ATRN: variants seen among roughly 807,000 people sequenced by gnomAD.
ATRN encodes attractin-2.
A neutral mutation model predicts 178.7 loss-of-function variants in ATRN; 54 were observed. That is an observed-to-expected ratio of 0.30 (90% CI 0.24 to 0.38). The LOEUF is 0.38. ATRN is among the 10% of genes least tolerant of loss of function. ATRN has a pLI of 1.00. For synonymous variants in ATRN, 636 were observed against 663.0 expected (o/e 0.96, Z 0.63); for missense variants, 1,443 against 1,815.1 (o/e 0.79, Z 3.73).
intron 24 of ATRN, among the ~76,000 whole-genome samples, chr20:3,605,502 A>T (rs971782449): frequency 6.6e-6 from 1 of 152,220 alleles, no homozygotes; most frequent in Non-Finnish European, 1.5e-5. Flanking sequence ...CATAGAATCA[A>T]CCTAAATGCC....
chr20:3,615,903 G>A (rs2086840933), intron 24 of ATRN: 7 of 444,364 alleles, frequency 1.6e-5, no homozygotes, highest in Middle Eastern at 5.9e-4. Flanking sequence ...TGGGGTGGGG[G>A]GAAGGGGAAG....
chr20:3,564,039 TCCTC>T (rs1485928260), intron 10 of ATRN, among the ~76,000 whole-genome samples: 1 of 152,222 alleles, frequency 6.6e-6, no homozygotes, highest in Non-Finnish European at 1.5e-5. Context: ...TCCCATTTCT[TCCTC>T]CCCACAATGC....
At chr20:3,538,691 C>T (rs940777635) in intron 2 of ATRN, among the ~76,000 whole-genome samples, 2 of 152,162 alleles carry the variant, frequency 1.3e-5, no homozygotes, top group Non-Finnish European at 2.9e-5. Flanking sequence ...GAATGTCTCC[C>T]CAATCCATCA....
Position 3,632,432 on chromosome 20 carries a change from C to T in ATRN, c.3864-1879C>T, listed in dbSNP as rs927757479. Among the ~76,000 whole-genome samples, 10 of 152,164 alleles carry T rather than the reference C, an allele frequency of 6.6e-5. No individual in the cohort carries two copies. Among genetic ancestry groups the T allele is most frequent in the African/African-American group, 9.6e-5 (4 of 41,456 alleles). On this transcript the variant is annotated intron_variant, in intron 25 of 28. Coordinates refer to ENST00000262919, the MANE Select transcript of ATRN (RefSeq NM_139321.3). The surrounding 1 kb of genome is among the most constrained non-coding windows in gnomAD (Gnocchi z 4.2). Reference sequence around the variant, plus strand: ...CTCTGCCTTTGTCTCTGGCCTTACACACCCCACTCCAAACATGCTGGCCTC... The same window carrying T: ...CTCTGCCTTTGTCTCTGGCCTTACATACCCCACTCCAAACATGCTGGCCTC...
chr20:3,584,109 A>G (rs1388071241), intron 17 of ATRN, 26 bp downstream of exon 17: 1 of 1,608,852 alleles, frequency 6.2e-7, no homozygotes, highest in Non-Finnish European at 8.5e-7. Flanking sequence ...AGCCCTAGGC[A>G]CTTATGCATG....
intron 3 of ATRN, 144 bp from the exon 4 acceptor site, chr20:3,545,618 T>G (rs2085689388): frequency 7.4e-6 from 7 of 946,632 alleles, no homozygotes; most frequent in Non-Finnish European, 1.1e-5. Context: ...AGGGTAGCAC[T>G]GTGTGTTTAT....
chr20:3,471,041 G>A lies in ATRN; in HGVS notation c.-67G>A. On this transcript the variant is annotated 5_prime_UTR_variant, in exon 1 of 29. Transcript: ENST00000262919. ...GCACAGCCCCGCCCCGCACGGCCAG[G>A]CGAAGCGGAGCCGGCCGTGCGGTGT... The A allele has an allele frequency of 7.0e-7, 1 of 1,427,412 alleles. No individual in the cohort carries two copies. Among genetic ancestry groups the A allele is most frequent in the Non-Finnish European group, 9.1e-7 (1 of 1,096,298 alleles). 88.4% of individuals were successfully genotyped at this position (1,427,412 alleles called of 1,614,324 possible).
intron 24 of ATRN, among the ~76,000 whole-genome samples, chr20:3,608,685 GGCTGAGTACA>G (rs1398905956): frequency 2.6e-5 from 4 of 152,084 alleles, no homozygotes; most frequent in Non-Finnish European, 5.9e-5. Flanking sequence ...TGCTTTGGTT[GGCTGAGTACA>G]GCAGCTCGTG....
intron 8 of ATRN, among the ~76,000 whole-genome samples, chr20:3,561,198 C>T (rs6084411): frequency 2.6e-5 from 4 of 152,244 alleles, no homozygotes; most frequent in African/African-American, 7.2e-5. Flanking sequence ...TGGCGGGCAC[C>T]TATAATCCCA....
intron 16 of ATRN, among the ~76,000 whole-genome samples, 161 bp from the exon 17 acceptor site, chr20:3,583,737 G>A (rs2086311875): frequency 6.6e-6 from 1 of 152,162 alleles, no homozygotes; most frequent in Non-Finnish European, 1.5e-5. Context: ...GAACCGGGGA[G>A]GCGGAGGTTG....
intron 1 of ATRN, chr20:3,489,405 A>G (rs2084748750): frequency 3.1e-6 from 2 of 652,800 alleles, no homozygotes; most frequent in Non-Finnish European, 5.6e-6. Flanking sequence ...TTTCTACAGG[A>G]TGCATGCTAG....
At chr20:3,542,565 C>CCCCTTCCCCTTTCTCCTTCCCCTTCT (rs2085638658) in intron 3 of ATRN, among the ~76,000 whole-genome samples, 1 of 134,934 alleles carries the variant, frequency 7.4e-6, no homozygotes, top group Non-Finnish European at 1.6e-5. Flanking sequence ...CCTTCCACCT[C>CCCCTTCCCCTTTCTCCTTCCCCTTCT]CCCTTCCCCT....
At chr20:3,518,295 C>CA (rs1177534586) in intron 1 of ATRN, among the ~76,000 whole-genome samples, 1 of 152,192 alleles carries the variant, frequency 6.6e-6, no homozygotes, top group Non-Finnish European at 1.5e-5. Context: ...CCCCTGCCTG[C>CA]AGGCTCCGTG....
chr20:3,500,901 G>C (rs924074239), intron 1 of ATRN, among the ~76,000 whole-genome samples: 2 of 151,778 alleles, frequency 1.3e-5, no homozygotes, highest in African/African-American at 4.8e-5. Context: ...TGGAATAAGT[G>C]AATGTATATT....
intron 7 of ATRN, among the ~76,000 whole-genome samples, chr20:3,560,299 C>T (rs763424668): frequency 6.6e-6 from 1 of 152,084 alleles, no homozygotes; most frequent in Non-Finnish European, 1.5e-5. Flanking sequence ...CAGTTCAGTC[C>T]ATGTTGCTAC....
chr20:3,498,258 G>A (rs1373021207), intron 1 of ATRN, among the ~76,000 whole-genome samples: 1 of 152,200 alleles, frequency 6.6e-6, no homozygotes. Context: ...GAGGTACAAG[G>A]AGGAACTGGT....
intron 1 of ATRN, among the ~76,000 whole-genome samples, chr20:3,530,259 T>C (rs1485839296): frequency 6.8e-6 from 1 of 147,586 alleles, no homozygotes; most frequent in Non-Finnish European, 1.5e-5. Context: ...TTATATATTA[T>C]ATATATATGT....
chr20:3,583,259 T>C (rs1600129362), intron 16 of ATRN, among the ~76,000 whole-genome samples: 3 of 152,206 alleles, frequency 2.0e-5, no homozygotes, highest in Non-Finnish European at 4.4e-5. Flanking sequence ...AACATGAGAT[T>C]TTACATATTC....
At chr20:3,603,168 A>G (rs1226038940) in intron 23 of ATRN, among the ~76,000 whole-genome samples, 1 of 152,060 alleles carries the variant, frequency 6.6e-6, no homozygotes, top group African/African-American at 2.4e-5. Context: ...GAGTTATACC[A>G]GATTAGGGGG....
Sources: allele counts gnomAD v4.1 joint callset (sites outside exome capture counted in the v4.1 genomes callset), GRCh38; gene constraint gnomAD v4.1.1; non-coding constraint Gnocchi (gnomAD v3.1); transcripts MANE v1.5; gene names NCBI Gene and HGNC (gene_info 2026-07-23, HGNC 2026-07-21).